Variants in HERC1 observed in about 807,000 individuals in gnomAD.
HERC1 encodes probable E3 ubiquitin-protein ligase HERC1.
Under a neutral mutation model 554.3 loss-of-function variants are expected in HERC1, and 160 were observed. The observed-to-expected ratio is 0.29, with a 90% CI of 0.25 to 0.33. The LOEUF is 0.33. Ranked by LOEUF, HERC1 falls within the 10% of genes least tolerant of loss-of-function variation. The probability of loss-of-function intolerance (pLI) is 1.00; values close to 1 mark genes in which losing one functional copy is unlikely to be tolerated. For missense variants in HERC1, 4,919 were observed against 5,918.5 expected (o/e 0.83, Z 5.54); for synonymous variants, 2,175 against 2,131.7 (o/e 1.02, Z -0.56).
At chr15:63,786,234 C>G (rs1420540632) in intron 1 of HERC1, among the ~76,000 whole-genome samples, 1 of 146,272 alleles carries the variant, frequency 6.8e-6, no homozygotes, top group Non-Finnish European at 1.5e-5. Context: ...AGAATAGCCA[C>G]TACACGCCAG....
chr15:63,729,789 G>A lies in HERC1; in HGVS notation c.2869-140C>T, dbSNP rs559508588. On this transcript the variant is annotated intron_variant, in intron 14 of 77. Coordinates refer to ENST00000443617, the MANE Select transcript of HERC1 (RefSeq NM_003922.4). The stretch of plus-strand genomic sequence containing the variant: ...TGTAATCCCAGCACTTTGGGAGTCC[G>A]AGGCAGGTACATCACCTGAAGTCAG... 21 of 726,726 alleles carry A rather than the reference G, an allele frequency of 2.9e-5. 1 individual carries two copies. The highest frequency in any genetic ancestry group is 7.7e-5 in the Admixed American group (3 of 39,016). The allele number at this position is 726,726 out of a possible 1,614,324, so 45.0% of individuals were successfully genotyped here.
chr15:63,618,618 A>G (rs1019894703), intron 74 of HERC1, among the ~76,000 whole-genome samples: 4 of 152,090 alleles, frequency 2.6e-5, no homozygotes, highest in African/African-American at 4.8e-5. Context: ...CACGATATTG[A>G]TTCTTCCTAC....
At chr15:63,764,624 G>A (rs2075714740) in intron 2 of HERC1, among the ~76,000 whole-genome samples, 1 of 152,120 alleles carries the variant, frequency 6.6e-6, no homozygotes, top group African/African-American at 2.4e-5. Context: ...GACCAAAGCA[G>A]CAGAAAGTCT....
At chr15:63,699,145 G>T in intron 25 of HERC1, 149 bp from the exon 26 acceptor site, 1 of 656,100 alleles carries the variant, frequency 1.5e-6, no homozygotes, top group Non-Finnish European at 2.5e-6. Context: ...GTGAATCTGA[G>T]CAAAATGCTT....
intron 19 of HERC1, among the ~76,000 whole-genome samples, chr15:63,721,038 T>G (rs1337408514): frequency 1.3e-5 from 2 of 148,914 alleles, no homozygotes; most frequent in African/African-American, 4.9e-5. Flanking sequence ...TTATATCTAG[T>G]TTTTTTTTTA....
At chr15:63,800,720 A>G (rs1180920122) in intron 1 of HERC1, among the ~76,000 whole-genome samples, 1 of 152,208 alleles carries the variant, frequency 6.6e-6, no homozygotes, top group Admixed American at 6.5e-5. Flanking sequence ...TTGTGGCATA[A>G]GAAATACATA....
At chr15:63,615,057 G>C in intron 76 of HERC1, among the ~76,000 whole-genome samples, 1 of 152,188 alleles carries the variant, frequency 6.6e-6, no homozygotes, top group East Asian at 1.9e-4. Context: ...AAATCCATGT[G>C]AGGTCATAAG....
At chr15:63,769,328 G>A (rs1018477161) in intron 2 of HERC1, among the ~76,000 whole-genome samples, 1 of 151,986 alleles carries the variant, frequency 6.6e-6, no homozygotes, top group African/African-American at 2.4e-5. Context: ...CTGAGGCAGG[G>A]AGAACTGCTT....
Position 63,727,935 on chromosome 15 carries a change from G to T in HERC1, c.3155-97C>A. 3 of 927,964 alleles carry T rather than the reference G, an allele frequency of 3.2e-6. No homozygotes were observed. Among genetic ancestry groups the T allele is most frequent in the South Asian group, 1.7e-5 (1 of 58,282 alleles). The allele number at this position is 927,964 out of a possible 1,614,324, so 57.5% of individuals were successfully genotyped here. A position where few individuals can be genotyped will look rare whatever the true frequency, so the allele number is the denominator to read the frequency against. On this transcript the variant is annotated intron_variant, in intron 16 of 77. Transcript: ENST00000443617. This position sits in a 1 kb window ranked among gnomAD's most constrained non-coding sequence, Gnocchi z 4.3. ...ATTATTTTAGCTTGGAACTAGAGTA[G>T]ACTCATTCAACAACTCTCTGTTGAA...
chr15:63,754,104 G>T (rs924097827), intron 7 of HERC1, among the ~76,000 whole-genome samples: 5 of 151,936 alleles, frequency 3.3e-5, no homozygotes, highest in Non-Finnish European at 7.4e-5. Context: ...AGCCCAGGAG[G>T]TTGAGGCTGC....
At chr15:63,811,923 C>T (rs979602080) in intron 1 of HERC1, among the ~76,000 whole-genome samples, 2 of 151,936 alleles carry the variant, frequency 1.3e-5, no homozygotes, top group African/African-American at 4.8e-5. Context: ...CATGTTCTTC[C>T]TGATGGAGCA....
At chr15:63,693,074 A>C (rs932811057) in intron 30 of HERC1, among the ~76,000 whole-genome samples, 4 of 151,996 alleles carry the variant, frequency 2.6e-5, no homozygotes, top group Non-Finnish European at 4.4e-5. Context: ...CCAGCCACTC[A>C]GGCTGAGGCA....
chr15:63,733,080 G>A lies in HERC1; in HGVS notation c.2712C>T (p.Gly904=), dbSNP rs1024807665. ...CAGCAGCATCAGAGGGTGAACTATA[G>A]CCAAGTAGGGAGGCTACGTGGGTAT... ...QDHTHVASLL[G]YSSPSDAADL... is the part of the protein sequence containing the mutation. Residue 904 remains glycine, a synonymous_variant, in exon 14 of 78, where the codon GGC becomes GGT. Transcript: ENST00000443617. The A allele has an allele frequency of 3.7e-6, 6 of 1,613,790 alleles. No homozygotes were observed. In the African/African-American group the frequency reaches 8.0e-5, roughly 22 times the overall value.
intron 64 of HERC1, chr15:63,636,999 G>A (rs1437918325): frequency 7.9e-6 from 3 of 382,068 alleles, no homozygotes; most frequent in Middle Eastern, 3.6e-4. Context: ...TAAAAAAACC[G>A]TCGGTGCTCT....
rs1414916296 is a variant in HERC1 at position 63,716,359 on chromosome 15, G to A, written c.4093C>T (p.His1365Tyr). 1 of 1,613,574 alleles carries A rather than the reference G, an allele frequency of 6.2e-7. No individual in the cohort carries two copies. Among genetic ancestry groups the A allele is most frequent in the Non-Finnish European group, 8.5e-7 (1 of 1,179,800 alleles). ...TCCTCTTCATCCTCTGGCTCCGGAT[G>A]CCCCTCTTCCCGGTCTCTCTCAGCC... is the stretch of plus-strand genomic sequence containing the variant. ...EQAERDREEG[H>Y]PEPEDEEEER... The change falls in exon 22 of 78, where the codon CAT becomes TAT. Residue 1365 changes from histidine to tyrosine, a missense_variant. Physicochemically the swap from His to Tyr is moderately conservative, Grantham distance 83. Around this residue, in one of 11 missense-constraint regions of HERC1, gnomAD observed 1,121 missense variants for 1,244.0 expected, o/e 0.90. Coordinates refer to ENST00000443617, the MANE Select transcript of HERC1 (RefSeq NM_003922.4).
intron 65 of HERC1, among the ~76,000 whole-genome samples, chr15:63,635,666 A>C (rs551497038): frequency 3.2e-4 from 49 of 152,340 alleles, no homozygotes; most frequent in African/African-American, 1.2e-3. Context: ...TGTGTGGCAG[A>C]AGTTAAACCA....
rs140072434 is a variant in HERC1, at chr15:63,649,578, C to G, written c.10747+147G>C. The G allele has an allele frequency of 9.9e-5, 63 of 633,306 alleles. No individual in the cohort carries two copies. The African/African-American group carries it at 1.1e-3, about 11-fold the overall frequency. 39.2% of individuals were successfully genotyped at this position (633,306 alleles called of 1,614,324 possible). On this transcript the variant is annotated intron_variant, in intron 54 of 77. Transcript: ENST00000443617. ...AGATAAATATCTTTCAATTCAGTAA[C>G]TAATTAAAATTAAAACATGACTGGA...
At chr15:63,682,962 C>T (rs1376998169) in intron 34 of HERC1, among the ~76,000 whole-genome samples, 1 of 151,616 alleles carries the variant, frequency 6.6e-6, no homozygotes, top group Non-Finnish European at 1.5e-5. Context: ...ATGGTGAAAC[C>T]TTATATCTAC....
Position 63,609,025 on chromosome 15 carries a change from A to C in HERC1, c.*56T>G. ...GTTACCATAAAAGTATATCAACATC[A>C]AATCAGAAGTGAGCATTATTGAGGG... On this transcript the variant is annotated 3_prime_UTR_variant, in exon 78 of 78. Coordinates refer to ENST00000443617, the MANE Select transcript of HERC1 (RefSeq NM_003922.4). 1 of 1,484,688 alleles carries C rather than the reference A, an allele frequency of 6.7e-7. No homozygotes were observed. Among genetic ancestry groups the C allele is most frequent in the South Asian group, 1.3e-5 (1 of 77,968 alleles). The allele number at this position is 1,484,688 out of a possible 1,614,324, so 92.0% of individuals were successfully genotyped here.
Sources: gnomAD v4.1 joint callset for allele counts (sites outside exome capture counted in the v4.1 genomes callset) on GRCh38, gnomAD v4.1.1 for gene constraint, gnomAD v4.1.1 regional missense constraint, Gnocchi (gnomAD v3.1) non-coding constraint, MANE v1.5 for transcripts, NCBI Gene and HGNC (gene_info 2026-07-23, HGNC 2026-07-21) for gene names.